SCYL2: variants seen among roughly 807,000 people sequenced by gnomAD.
The protein encoded by SCYL2 is SCY1-like protein 2.
SCYL2 carries 36 observed loss-of-function variants against 100.4 expected under a neutral mutation model. The ratio of observed to expected loss-of-function variants is 0.36; its 90% CI spans 0.27 to 0.47. The LOEUF is 0.47. SCYL2 is among the 20% of genes least tolerant of loss of function. SCYL2 has a pLI of 1.00. For missense variants in SCYL2, 902 were observed against 1,083.9 expected (o/e 0.83, Z 2.36); for synonymous variants, 330 against 359.2 (o/e 0.92, Z 0.92).
chr12:100,289,237 T>A (rs925696959), intron 2 of SCYL2, among the ~76,000 whole-genome samples: 1 of 152,228 alleles, frequency 6.6e-6, no homozygotes, highest in African/African-American at 2.4e-5. Flanking sequence ...TTACTCAGCC[T>A]AAATGACTGA....
chr12:100,306,367 G>A, intron 4 of SCYL2, among the ~76,000 whole-genome samples: 1 of 152,166 alleles, frequency 6.6e-6, no homozygotes. Flanking sequence ...ATCATTAAAT[G>A]TCATCCATCA....
At chr12:100,267,960 C>T (rs1490986409) in intron 1 of SCYL2, among the ~76,000 whole-genome samples, 168 bp downstream of exon 1, 1 of 152,046 alleles carries the variant, frequency 6.6e-6, no homozygotes, top group Admixed American at 6.5e-5. Flanking sequence ...AAAAACCCCA[C>T]GGTTACTCCT....
intron 3 of SCYL2, among the ~76,000 whole-genome samples, chr12:100,292,492 C>T (rs1361592005): frequency 6.6e-6 from 1 of 152,130 alleles, no homozygotes; most frequent in African/African-American, 2.4e-5. Flanking sequence ...TACAGTTTTG[C>T]TTTTATCTTT....
intron 3 of SCYL2, among the ~76,000 whole-genome samples, chr12:100,292,300 C>T (rs1452093111): frequency 6.6e-6 from 1 of 152,212 alleles, no homozygotes; most frequent in Non-Finnish European, 1.5e-5. Flanking sequence ...CCTTCTTTCT[C>T]AGCAGACTGT....
intron 2 of SCYL2, among the ~76,000 whole-genome samples, chr12:100,289,216 ATTTAAAGCTGT>A (rs1053167270): frequency 1.3e-5 from 2 of 152,186 alleles, no homozygotes; most frequent in African/African-American, 4.8e-5. Context: ...TATGAGTGCT[ATTTAAAGCTGT>A]TACTCAGCCT....
intron 1 of SCYL2, among the ~76,000 whole-genome samples, chr12:100,274,171 T>G (rs2096290297): frequency 6.6e-6 from 1 of 152,208 alleles, no homozygotes; most frequent in African/African-American, 2.4e-5. Flanking sequence ...TATATTTACA[T>G]AAGTATAATT....
Position 100,329,277 on chromosome 12 carries a change from TC to T in SCYL2, c.1720del (p.Ile575PhefsTer3). The part of the protein sequence containing the change: ...EQLAGKVLPH[L>X]IPLSIENNLN... ...AGCTGGCCGGAAAAGTGTTGCCTCA[TC>T]TTATTCCCCTGAGTATTGAAAACAA... On this transcript the variant is annotated frameshift_variant, in exon 13 of 18. Transcript: ENST00000360820. LOFTEE classifies it high-confidence loss of function. The T allele has an allele frequency of 6.2e-7, 1 of 1,604,756 alleles. No homozygotes were observed. Among genetic ancestry groups the T allele is most frequent in the Non-Finnish European group, 8.5e-7 (1 of 1,171,728 alleles).
chr12:100,283,144 G>A lies in SCYL2; in HGVS notation c.174G>A (p.Lys58=), dbSNP rs537402187. The part of the protein sequence containing the change: ...KIFNGTKKST[K]QEVAVFVFDK... ...TTAATGGCACAAAAAAGTCAACAAAGCAGGTGAGTTTTAATTCAGCATCCA... is the reference window on the plus strand; with the variant it reads ...TTAATGGCACAAAAAAGTCAACAAAACAGGTGAGTTTTAATTCAGCATCCA... Residue 58 remains lysine (K), a synonymous_variant, in exon 2 of 18, where the codon AAG becomes AAA. Transcript: ENST00000360820. 1.0e-5 allele frequency: 16 copies of A among 1,601,324 alleles called. No homozygotes were observed. The highest frequency in any genetic ancestry group is 9.0e-5 in the South Asian group (8 of 88,616).
chr12:100,321,658 C>T (rs779166443), intron 10 of SCYL2, among the ~76,000 whole-genome samples: 6 of 152,250 alleles, frequency 3.9e-5, no homozygotes, highest in East Asian at 3.9e-4. Context: ...AATTAAAATT[C>T]GCTCTCACAG....
At chr12:100,285,688 A>G (rs1011358766) in intron 2 of SCYL2, among the ~76,000 whole-genome samples, 2 of 152,078 alleles carry the variant, frequency 1.3e-5, no homozygotes, top group African/African-American at 2.4e-5. Context: ...TCAAACATAG[A>G]ATTTATACCA....
intron 9 of SCYL2, 32 bp downstream of exon 9, chr12:100,315,766 A>G: frequency 3.0e-6 from 4 of 1,352,322 alleles, no homozygotes; most frequent in Non-Finnish European, 4.1e-6. Context: ...GTATTTATCT[A>G]CTGTTATTTA....
intron 1 of SCYL2, among the ~76,000 whole-genome samples, chr12:100,274,514 T>A (rs2096290670): frequency 6.6e-6 from 1 of 152,216 alleles, no homozygotes. Context: ...ACATCTGTCC[T>A]GAAAGAAGCA....
chr12:100,301,431 T>G (rs1231232474), intron 4 of SCYL2, among the ~76,000 whole-genome samples: 1 of 152,250 alleles, frequency 6.6e-6, no homozygotes, highest in Non-Finnish European at 1.5e-5. Flanking sequence ...TGCAAACATT[T>G]TCTCCCACTC....
At chr12:100,331,104 G>C (rs980637088) in intron 13 of SCYL2, among the ~76,000 whole-genome samples, 1 of 152,076 alleles carries the variant, frequency 6.6e-6, no homozygotes, top group Non-Finnish European at 1.5e-5. Flanking sequence ...GGGATTACAG[G>C]CATGAGCCAC....
rs1442815826 is a variant in SCYL2, at chr12:100,309,133, T to TGTGTGTGTGC, written c.481-1910_481-1909insTGTGTGTGCG. Among the ~76,000 whole-genome samples the TGTGTGTGTGC allele has an allele frequency of 5.9e-3, 879 of 150,094 alleles. 4 individuals carry two copies. Among genetic ancestry groups the TGTGTGTGTGC allele is most frequent in the African/African-American group, 0.011 (425 of 40,170 alleles). Reference sequence around the variant, plus strand: ...GTGTGTGTGTGTGTGTGTGTGTGTGTGCGCGCGCGTGTGTGCAGCTAGTTT... The same window carrying TGTGTGTGTGC: ...GTGTGTGTGTGTGTGTGTGTGTGTGTGTGTGTGTGCGCGCGCGCGTGTGTGCAGCTAGTTT... On this transcript the variant is annotated intron_variant, in intron 4 of 17. Transcript: ENST00000360820.
chr12:100,298,410 G>T (rs951517044), intron 4 of SCYL2, among the ~76,000 whole-genome samples: 1 of 152,056 alleles, frequency 6.6e-6, no homozygotes, highest in Non-Finnish European at 1.5e-5. Context: ...TCACTTATTG[G>T]CTAGTGGATG....
chr12:100,337,182 A>C (rs983516281), intron 16 of SCYL2, among the ~76,000 whole-genome samples: 2 of 152,146 alleles, frequency 1.3e-5, no homozygotes, highest in Admixed American at 1.3e-4. Flanking sequence ...TGCTGGAAAT[A>C]CTTTTGCACA....
chr12:100,287,859 A>G (rs992313480), intron 2 of SCYL2, among the ~76,000 whole-genome samples: 11 of 152,204 alleles, frequency 7.2e-5, no homozygotes, highest in Admixed American at 1.3e-4. Flanking sequence ...AAAAGCTTTA[A>G]TTGCTTATCT....
chr12:100,284,113 G>C (rs1203752396), intron 2 of SCYL2, among the ~76,000 whole-genome samples: 1 of 152,088 alleles, frequency 6.6e-6, no homozygotes, highest in Admixed American at 6.5e-5. Context: ...AGTTATATAA[G>C]GGGAAAACAA....
Sources: allele counts gnomAD v4.1 joint callset (sites outside exome capture counted in the v4.1 genomes callset), GRCh38; gene constraint gnomAD v4.1.1; transcripts MANE v1.5; gene names NCBI Gene and HGNC (gene_info 2026-07-23, HGNC 2026-07-21).